Variants in TBC1D5 observed in about 807,000 individuals in gnomAD.
TBC1D5 encodes TBC1 domain family member 5.
In TBC1D5, 75 loss-of-function variants were observed where a neutral mutation model predicts 100.3. The ratio of observed to expected loss-of-function variants is 0.75; its 90% CI spans 0.62 to 0.91. TBC1D5 has a LOEUF of 0.91. Among genes scored for constraint, TBC1D5 ranks in the 40% least tolerant of loss-of-function variants. The probability of loss-of-function intolerance (pLI) is 0.00; values close to 1 mark genes in which losing one functional copy is unlikely to be tolerated. For missense variants in TBC1D5, 910 were observed against 942.4 expected, an observed-to-expected ratio of 0.97 and a Z score of 0.45; for synonymous variants, 323 against 325.6, an observed-to-expected ratio of 0.99 and a Z score of 0.09.
chr3:17,578,520 G>T (rs995595684), intron 2 of TBC1D5, among the ~76,000 whole-genome samples: 1 of 151,912 alleles, frequency 6.6e-6, no homozygotes, highest in Non-Finnish European at 1.5e-5. Context: ...GACTTCAATG[G>T]GAAATTAGAT....
intron 3 of TBC1D5, among the ~76,000 whole-genome samples, chr3:17,455,993 A>G (rs1450768284): frequency 6.6e-6 from 1 of 151,966 alleles, no homozygotes. Flanking sequence ...AAACAAACCC[A>G]CCCTCCTACA....
chr3:17,280,649 C>T (rs2080480855), intron 15 of TBC1D5, among the ~76,000 whole-genome samples: 2 of 152,160 alleles, frequency 1.3e-5, no homozygotes, highest in Non-Finnish European at 2.9e-5. Flanking sequence ...CCTGCTCCAT[C>T]CCCTTCTCAG....
intron 1 of TBC1D5, among the ~76,000 whole-genome samples, chr3:17,682,875 T>C (rs1560456592): frequency 6.6e-6 from 1 of 151,514 alleles, no homozygotes; most frequent in Non-Finnish European, 1.5e-5. Context: ...ATAGATGCAG[T>C]CAGTTACTTA....
At chr3:17,447,035 C>G (rs971929372) in intron 3 of TBC1D5, among the ~76,000 whole-genome samples, 1 of 151,264 alleles carries the variant, frequency 6.6e-6, no homozygotes, top group Non-Finnish European at 1.5e-5. Flanking sequence ...AATTGTATCA[C>G]TGAAGCTAAA....
chr3:17,295,242 C>T (rs1050333180), intron 14 of TBC1D5, among the ~76,000 whole-genome samples: 3 of 152,152 alleles, frequency 2.0e-5, no homozygotes, highest in African/African-American at 7.2e-5. Flanking sequence ...AGATCACTGG[C>T]CTAGTCACTT....
chr3:17,499,421 T>C (rs2095756432), intron 3 of TBC1D5, among the ~76,000 whole-genome samples: 1 of 150,292 alleles, frequency 6.7e-6, no homozygotes, highest in Non-Finnish European at 1.5e-5. Context: ...TATTTAAAAA[T>C]TCTAGGTAGG....
intron 15 of TBC1D5, among the ~76,000 whole-genome samples, chr3:17,268,347 A>G (rs1179658049): frequency 2.0e-5 from 3 of 152,136 alleles, no homozygotes; most frequent in East Asian, 1.9e-4. Context: ...TGTGTTCTTA[A>G]TATTTTTTAT....
At chr3:17,557,539 T>C (rs531586961) in intron 2 of TBC1D5, among the ~76,000 whole-genome samples, 2 of 152,292 alleles carry the variant, frequency 1.3e-5, no homozygotes, top group East Asian at 3.9e-4. Flanking sequence ...TTGTTTTGTT[T>C]GTTTTGTTGT....
chr3:17,295,573 C>T (rs760059256), intron 14 of TBC1D5, among the ~76,000 whole-genome samples: 4 of 152,220 alleles, frequency 2.6e-5, no homozygotes, highest in Non-Finnish European at 5.9e-5. Flanking sequence ...GAAAAAGTAA[C>T]TGTTTTGAGA....
intron 3 of TBC1D5, among the ~76,000 whole-genome samples, chr3:17,467,883 GTTCCCTA>G: frequency 6.6e-6 from 1 of 152,136 alleles, no homozygotes; most frequent in Non-Finnish European, 1.5e-5. Context: ...GGAAACGGGA[GTTCCCTA>G]GTTACCATGA....
intron 2 of TBC1D5, among the ~76,000 whole-genome samples, chr3:17,567,975 C>A (rs1205057218): frequency 1.3e-5 from 2 of 151,564 alleles, no homozygotes; most frequent in Non-Finnish European, 3.0e-5. Context: ...CCCTGACCTA[C>A]TAAATCAAAA....
rs191871157 is a variant in TBC1D5, at chr3:17,583,708, C to A, written c.-36+40141G>T. On this transcript the variant is annotated intron_variant, in intron 2 of 21. Coordinates refer to ENST00000253692, the Ensembl canonical transcript of TBC1D5. ...CGCCACTGCATTCCAGGCCACGCAA[C>A]AGAGCAAGACTGTCTCAAAGAAAGT... Among the ~76,000 whole-genome samples, 532 of 152,210 alleles carry A rather than the reference C, an allele frequency of 3.5e-3. 4 individuals are homozygous for A. Among genetic ancestry groups the A allele is most frequent in the African/African-American group, 0.012 (504 of 41,546 alleles).
chr3:17,203,540 G>A (rs1481436956), intron 18 of TBC1D5, among the ~76,000 whole-genome samples: 1 of 152,200 alleles, frequency 6.6e-6, no homozygotes. Flanking sequence ...TTGGATTTCT[G>A]TCTCCACCCA....
chr3:17,428,157 C>T (rs2094376947), intron 4 of TBC1D5, among the ~76,000 whole-genome samples: 1 of 151,734 alleles, frequency 6.6e-6, no homozygotes. Context: ...AAGCTGAATA[C>T]TACATGTGCA....
intron 1 of TBC1D5, among the ~76,000 whole-genome samples, chr3:17,682,087 T>C (rs1415829601): frequency 6.6e-6 from 1 of 151,230 alleles, no homozygotes; most frequent in Non-Finnish European, 1.5e-5. Context: ...ATGAAACCAA[T>C]CCCTGGTGCC....
In TBC1D5 at chr3:17,504,458, A is replaced by T. The variant is rs570650075; in HGVS notation, c.97+4016T>A. Among the ~76,000 whole-genome samples, 383 of 152,250 alleles carry T rather than the reference A, an allele frequency of 2.5e-3. 1 individual carries two copies. The highest frequency in any genetic ancestry group is 3.9e-3 in the Non-Finnish European group (268 of 68,016). On this transcript the variant is annotated intron_variant, in intron 3 of 21. Transcript: ENST00000253692. ...AATAATAATAAATTAAAAACAAAAT[A>T]AAAATTAAAAAAAAGGATTATATAT...
chr3:17,475,072 T>G (rs183219674), intron 3 of TBC1D5, among the ~76,000 whole-genome samples: 7 of 152,276 alleles, frequency 4.6e-5, no homozygotes, highest in African/African-American at 1.4e-4. Context: ...CATTTTTCAA[T>G]TGTGTTCATA....
chr3:17,404,528 A>G (rs931763011), intron 7 of TBC1D5, among the ~76,000 whole-genome samples, 166 bp downstream of exon 7: 1 of 152,026 alleles, frequency 6.6e-6, no homozygotes, highest in African/African-American at 2.4e-5. Context: ...CACAGTATAT[A>G]TATGTAATGT....
At chr3:17,597,388 A>C (rs1441205518) in intron 2 of TBC1D5, among the ~76,000 whole-genome samples, 1 of 152,178 alleles carries the variant, frequency 6.6e-6, no homozygotes, top group Non-Finnish European at 1.5e-5. Context: ...AAACTCAGAA[A>C]CACTAACTTG....
Sources: gnomAD v4.1 joint callset for allele counts (sites outside exome capture counted in the v4.1 genomes callset) on GRCh38, gnomAD v4.1.1 for gene constraint, MANE v1.5 for transcripts, NCBI Gene and HGNC (gene_info 2026-07-23, HGNC 2026-07-21) for gene names.